Variants in DOCK1 observed in about 807,000 individuals in gnomAD.
DOCK1 encodes dedicator of cytokinesis 1, also known as dedicator of cytokinesis protein 1.
In DOCK1, 138 loss-of-function variants were observed where a neutral mutation model predicts 262.7. The ratio of observed to expected loss-of-function variants is 0.53; its 90% CI spans 0.46 to 0.61. The LOEUF (loss-of-function observed/expected upper bound fraction) is 0.61. Ranked by LOEUF, DOCK1 falls within the 20% of genes least tolerant of loss-of-function variation. The pLI is 0.00. For synonymous variants in DOCK1, 866 were observed against 867.4 expected (o/e 1.00, Z 0.03); for missense variants, 1,908 against 2,370.7 (o/e 0.80, Z 4.05).
chr10:127,273,242 C>T (rs772829269), intron 29 of DOCK1, among the ~76,000 whole-genome samples: 19 of 152,080 alleles, frequency 1.2e-4, no homozygotes, highest in Non-Finnish European at 2.1e-4. Context: ...CTCCTTGGAC[C>T]GAGGCTGAAC....
chr10:127,119,198 C>T (rs951786516), intron 25 of DOCK1, among the ~76,000 whole-genome samples: 21 of 152,142 alleles, frequency 1.4e-4, no homozygotes, highest in Non-Finnish European at 8.8e-5. Flanking sequence ...CGCCTGCCAC[C>T]GTGGCCGACT....
intron 27 of DOCK1, among the ~76,000 whole-genome samples, chr10:127,186,177 T>C (rs571556335): frequency 2.4e-4 from 37 of 152,122 alleles, no homozygotes; most frequent in African/African-American, 8.9e-4. Flanking sequence ...CTTCCAAGGG[T>C]GTATTAGTCC....
intron 46 of DOCK1, among the ~76,000 whole-genome samples, chr10:127,425,104 G>A (rs1196390466): frequency 6.6e-6 from 1 of 152,196 alleles, no homozygotes; most frequent in African/African-American, 2.4e-5. Flanking sequence ...TTTTTAATCA[G>A]TATTTTGATT....
intron 29 of DOCK1, among the ~76,000 whole-genome samples, chr10:127,266,209 G>T (rs1310634676): frequency 6.6e-6 from 1 of 152,228 alleles, no homozygotes; most frequent in Non-Finnish European, 1.5e-5. Flanking sequence ...AATATTCTTT[G>T]TGCAGGTTGA....
intron 1 of DOCK1, among the ~76,000 whole-genome samples, chr10:126,960,990 G>A (rs1318536915): frequency 6.6e-6 from 1 of 151,956 alleles, no homozygotes; most frequent in African/African-American, 2.4e-5. Flanking sequence ...CAGTTAGAAT[G>A]TGAGGAAAGG....
intron 29 of DOCK1, among the ~76,000 whole-genome samples, chr10:127,325,674 T>C (rs2062718993): frequency 6.6e-6 from 1 of 152,232 alleles, no homozygotes; most frequent in South Asian, 2.1e-4. Flanking sequence ...GGTTTCTTGA[T>C]AGCCGAACTC....
chr10:127,374,062 C>G lies in DOCK1; in HGVS notation c.3523C>G (p.Leu1175Val). 1 of 1,609,122 alleles carries G rather than the reference C, an allele frequency of 6.2e-7. No homozygotes were observed. The highest frequency in any genetic ancestry group is 8.5e-7 in the Non-Finnish European group (1 of 1,178,086). The change falls in exon 35 of 52, where the codon CTG becomes GTG. Residue 1175 changes from leucine (L) to valine (V), a missense_variant. Physicochemically the swap from Leu to Val is conservative, Grantham distance 32 (BLOSUM62 1). This residue lies in a region of DOCK1 where 518 missense variants were observed against 575.1 expected (regional missense o/e 0.90). Coordinates refer to ENST00000623213, the MANE Select transcript of DOCK1 (RefSeq NM_001290223.2). ...QYKVLFDKIL[L>V]EHCRKHKYLA... Reference sequence around the variant, plus strand: ...GTGTGTATAATTATTTTTCAGCCTTCTGGAACACTGCAGGAAGCACAAATA... The same window carrying G: ...GTGTGTATAATTATTTTTCAGCCTTGTGGAACACTGCAGGAAGCACAAATA...
At chr10:127,202,316 C>G (rs2057502894) in intron 27 of DOCK1, among the ~76,000 whole-genome samples, 1 of 150,512 alleles carries the variant, frequency 6.6e-6, no homozygotes, top group African/African-American at 2.4e-5. Context: ...GAGCGAGACT[C>G]TGTCTCCAAA....
At chr10:127,145,740 G>A (rs570573278) in intron 27 of DOCK1, among the ~76,000 whole-genome samples, 16 of 152,254 alleles carry the variant, frequency 1.1e-4, no homozygotes, top group Admixed American at 2.0e-4. Flanking sequence ...CCACCAGCCC[G>A]GAACCCTGGT....
chr10:126,973,122 A>G (rs1490336720), intron 2 of DOCK1, among the ~76,000 whole-genome samples: 1 of 152,012 alleles, frequency 6.6e-6, no homozygotes, highest in African/African-American at 2.4e-5. Flanking sequence ...GTTAATAAAC[A>G]CTGGGCAATG....
At chr10:127,045,643 C>G (rs2066161) in intron 21 of DOCK1, among the ~76,000 whole-genome samples, 25,848 of 152,210 alleles carry the variant, frequency 0.17, 2,345 homozygotes, top group South Asian at 0.32. Flanking sequence ...TGGCAATGGG[C>G]AGTCCTCTTC....
intron 35 of DOCK1, among the ~76,000 whole-genome samples, chr10:127,379,057 A>G (rs981582283): frequency 1.3e-5 from 2 of 152,206 alleles, no homozygotes; most frequent in African/African-American, 4.8e-5. Flanking sequence ...GGTGATATTC[A>G]CTAGTTACTT....
Position 127,122,969 on chromosome 10 carries a change from G to A in DOCK1, c.2624-2505G>A, listed in dbSNP as rs568344041. On this transcript the variant is annotated intron_variant, in intron 25 of 51. Transcript: ENST00000623213. ...ACCCAGCATGACAGATAAATGGTGC[G>A]GTGAGGGATGAATTTAGGCCAGGAC... Among the ~76,000 whole-genome samples, 2 of 152,276 alleles carry A rather than the reference G, an allele frequency of 1.3e-5. 1 individual carries two copies. The highest frequency in any genetic ancestry group is 4.8e-5 in the African/African-American group (2 of 41,560).
At chr10:127,017,062 TGCAGACACCATAAAC>T (rs1565069409) in intron 12 of DOCK1, among the ~76,000 whole-genome samples, 11 of 102,630 alleles carry the variant, frequency 1.1e-4, no homozygotes, top group South Asian at 3.2e-4. Context: ...CACACACAGA[TGCAGACACCATAAAC>T]ACAGATACAC....
At chr10:127,027,146 C>T (rs2042921272) in intron 16 of DOCK1, among the ~76,000 whole-genome samples, 1 of 152,224 alleles carries the variant, frequency 6.6e-6, no homozygotes, top group African/African-American at 2.4e-5. Context: ...TTGTGTGCCG[C>T]AGGCAGTTAA....
At chr10:127,203,138 C>G (rs568434660) in intron 27 of DOCK1, among the ~76,000 whole-genome samples, 1 of 152,206 alleles carries the variant, frequency 6.6e-6, no homozygotes, top group African/African-American at 2.4e-5. Flanking sequence ...ACGTTTTCTT[C>G]GTTGAATAAC....
At chr10:127,398,691 G>GT (rs2067058376) in intron 38 of DOCK1, among the ~76,000 whole-genome samples, 2 of 152,210 alleles carry the variant, frequency 1.3e-5, no homozygotes, top group Non-Finnish European at 2.9e-5. Context: ...ATCCTGTGAG[G>GT]TATCTCCACT....
At chr10:127,076,427 G>T (rs1437386461) in intron 23 of DOCK1, among the ~76,000 whole-genome samples, 3 of 152,192 alleles carry the variant, frequency 2.0e-5, no homozygotes, top group Non-Finnish European at 4.4e-5. Flanking sequence ...CTTGAACCCG[G>T]GAGGTAGAGG....
At chr10:127,218,778 G>T (rs1240745867) in intron 27 of DOCK1, among the ~76,000 whole-genome samples, 1 of 152,132 alleles carries the variant, frequency 6.6e-6, no homozygotes, top group African/African-American at 2.4e-5. Context: ...CCTGAGACTG[G>T]TCATTTATAA....
Sources: allele counts gnomAD v4.1 joint callset (sites outside exome capture counted in the v4.1 genomes callset), GRCh38; gene constraint gnomAD v4.1.1; regional missense constraint gnomAD v4.1.1; transcripts MANE v1.5; gene names NCBI Gene and HGNC (gene_info 2026-07-23, HGNC 2026-07-21).